Variants in CACNA1C observed in about 807,000 individuals in gnomAD.
The protein encoded by CACNA1C is calcium voltage-gated channel subunit alpha1 C, also known as voltage-dependent L-type calcium channel subunit alpha-1C.
CACNA1C carries 30 observed loss-of-function variants against 229.0 expected under a neutral mutation model. That is an observed-to-expected ratio of 0.13 (90% CI 0.10 to 0.18). The LOEUF (loss-of-function observed/expected upper bound fraction) is 0.18, where lower values mean the gene tolerates loss of function less well. Ranked by LOEUF, CACNA1C falls within the 10% of genes least tolerant of loss-of-function variation. CACNA1C has a pLI of 1.00. For synonymous variants in CACNA1C, 1,114 were observed against 1,132.5 expected, an observed-to-expected ratio of 0.98 and a Z score of 0.33; for missense variants, 1,658 against 2,845.0, an observed-to-expected ratio of 0.58 and a Z score of 9.49.
chr12:2,343,547 T>C (rs2096923328), intron 3 of CACNA1C, among the ~76,000 whole-genome samples: 1 of 152,144 alleles, frequency 6.6e-6, no homozygotes, highest in Non-Finnish European at 1.5e-5. Flanking sequence ...AAAAAATTAT[T>C]TGTTGTTTAT....
chr12:2,558,667 G>A (rs1362552743), intron 11 of CACNA1C, among the ~76,000 whole-genome samples: 2 of 152,148 alleles, frequency 1.3e-5, no homozygotes, highest in Non-Finnish European at 2.9e-5. Flanking sequence ...AGTGTTGCTG[G>A]GCTTCCCCGT....
At position 2,688,521 on chromosome 12, in the gene CACNA1C, C is replaced by G; in HGVS notation, c.5859C>G (p.Ala1953=). The part of the protein sequence containing the change: ...HSPASFPRPF[A]TPPATPGSRG... ...CTGCCTCATTCCCTAGGCCTTTTGC[C>G]ACCCCACCAGCCACACCTGGCAGCC... is the stretch of plus-strand genomic sequence containing the variant. The change falls in exon 46 of 47, where the codon GCC becomes GCG. Residue 1953 remains alanine, a synonymous_variant. Transcript: ENST00000399655. The G allele has an allele frequency of 1.2e-6, 2 of 1,613,918 alleles. No homozygotes were observed. Among genetic ancestry groups the G allele is most frequent in the Non-Finnish European group, 1.7e-6 (2 of 1,179,878 alleles).
At chr12:2,623,948 G>A (rs1051207022) in intron 29 of CACNA1C, among the ~76,000 whole-genome samples, 48 of 152,162 alleles carry the variant, frequency 3.2e-4, no homozygotes, top group African/African-American at 1.1e-3. Flanking sequence ...CATCCGTGCC[G>A]TGCTCAGCAG....
chr12:2,337,812 C>G (rs911213086), intron 3 of CACNA1C, among the ~76,000 whole-genome samples: 3 of 152,224 alleles, frequency 2.0e-5, no homozygotes, highest in African/African-American at 7.2e-5. Context: ...AGGCCAGAAG[C>G]TGGCCCTCCT....
At chr12:2,024,051 G>A (rs1445357767) in intron 1 of CACNA1C, among the ~76,000 whole-genome samples, 1 of 152,168 alleles carries the variant, frequency 6.6e-6, no homozygotes, top group South Asian at 2.1e-4. Context: ...CATTGTAGGA[G>A]GCTCCCTCTT....
chr12:2,148,214 A>G (rs916974227), intron 3 of CACNA1C, among the ~76,000 whole-genome samples: 9 of 151,404 alleles, frequency 5.9e-5, no homozygotes, highest in African/African-American at 2.2e-4. Flanking sequence ...TAAATCTCTT[A>G]TGAACTAAAC....
intron 8 of CACNA1C, among the ~76,000 whole-genome samples, chr12:2,509,189 A>G (rs1040326356): frequency 2.6e-5 from 4 of 152,214 alleles, no homozygotes; most frequent in South Asian, 2.1e-4. Context: ...ACAGCCAGGA[A>G]GTATCGCTGG....
intron 3 of CACNA1C, among the ~76,000 whole-genome samples, chr12:2,297,202 T>C (rs1230291300): frequency 6.6e-6 from 1 of 152,096 alleles, no homozygotes; most frequent in African/African-American, 2.4e-5. Context: ...TGTCATCAAC[T>C]CTCTAGGGAC....
Position 2,357,682 on chromosome 12 carries a change from A to C in CACNA1C, c.478-91294A>C, listed in dbSNP as rs79768175. ...TTTTCCTTAAAAAAAAAAAAAAAAA[A>C]GGAATCGGCCAGGCACAGTGGTTCA... On this transcript the variant is annotated intron_variant, in intron 3 of 46. Coordinates refer to ENST00000399655, the MANE Select transcript of CACNA1C (RefSeq NM_000719.7). 5.7e-3 allele frequency among the ~76,000 whole-genome samples: 852 copies of C among 149,990 alleles called. 8 individuals carry two copies. The highest frequency in any genetic ancestry group is 0.02 in the African/African-American group (810 of 40,860).
At chr12:2,105,363 G>C (rs1484931898) in intron 1 of CACNA1C, among the ~76,000 whole-genome samples, 3 of 152,158 alleles carry the variant, frequency 2.0e-5, no homozygotes, top group Non-Finnish European at 2.9e-5. Context: ...GCGCCCTCAC[G>C]GTCTCCTTGT....
At chr12:2,592,406 A>G (rs1351229795) in intron 18 of CACNA1C, among the ~76,000 whole-genome samples, 1 of 152,258 alleles carries the variant, frequency 6.6e-6, no homozygotes, top group Non-Finnish European at 1.5e-5. Flanking sequence ...AGAAAGAAAC[A>G]GAGCCAGGAT....
intron 9 of CACNA1C, among the ~76,000 whole-genome samples, chr12:2,528,587 T>C (rs757269406): frequency 6.6e-6 from 1 of 152,232 alleles, no homozygotes; most frequent in African/African-American, 2.4e-5. Context: ...AGGCTTGCCC[T>C]ACCCATCATG....
intron 3 of CACNA1C, among the ~76,000 whole-genome samples, chr12:2,194,952 C>G (rs187843626): frequency 2.8e-4 from 43 of 152,342 alleles, no homozygotes; most frequent in Admixed American, 7.8e-4. Context: ...AGAGCAAACA[C>G]TGACTAGGAT....
Position 2,633,565 on chromosome 12 carries a change from G to A in CACNA1C, c.3829-732G>A, listed in dbSNP as rs533971408. Reference sequence around the variant, plus strand: ...GGACGATGATTCTGATGGTGGTGTTGCTCTGTTCTTGTCTGTCTAATATTC... The same window carrying A: ...GGACGATGATTCTGATGGTGGTGTTACTCTGTTCTTGTCTGTCTAATATTC... On this transcript the variant is annotated intron_variant, in intron 29 of 46. Coordinates refer to ENST00000399655, the MANE Select transcript of CACNA1C (RefSeq NM_000719.7). The surrounding 1 kb of genome is among the most constrained non-coding windows in gnomAD (Gnocchi z 5.8). 8.6e-6 allele frequency: 8 copies of A among 932,112 alleles called. No individual in the cohort carries two copies. The African/African-American group carries it at 1.1e-4, about 13-fold the overall frequency. 57.7% of individuals were successfully genotyped at this position (932,112 alleles called of 1,614,324 possible). A position where few individuals can be genotyped will look rare whatever the true frequency, so the allele number is the denominator to read the frequency against.
At chr12:2,452,377 C>T (rs1424975203) in intron 4 of CACNA1C, among the ~76,000 whole-genome samples, 2 of 152,150 alleles carry the variant, frequency 1.3e-5, no homozygotes, top group Admixed American at 1.3e-4. Context: ...CAGGAGGTTC[C>T]ACGCCAGCCA....
chr12:1,980,108 C>T (rs191292703), intron 1 of CACNA1C, among the ~76,000 whole-genome samples: 1 of 152,260 alleles, frequency 6.6e-6, no homozygotes, highest in East Asian at 1.9e-4. Context: ...CAATTTCACT[C>T]CTAGGTATAA....
intron 3 of CACNA1C, among the ~76,000 whole-genome samples, chr12:2,293,479 G>A (rs1201572128): frequency 6.6e-6 from 1 of 152,200 alleles, no homozygotes. Flanking sequence ...CATCCCATGG[G>A]CCACTGGCCA....
At chr12:2,192,251 T>C (rs933021340) in intron 3 of CACNA1C, among the ~76,000 whole-genome samples, 2 of 152,226 alleles carry the variant, frequency 1.3e-5, no homozygotes, top group African/African-American at 4.8e-5. Context: ...TTTTGCCAGG[T>C]TGGCTGCTGT....
At chr12:2,300,498 C>T (rs2094469589) in intron 3 of CACNA1C, among the ~76,000 whole-genome samples, 1 of 151,922 alleles carries the variant, frequency 6.6e-6, no homozygotes. Flanking sequence ...TGGTGGCATG[C>T]ACCTGTTGTT....
Sources: gnomAD v4.1 joint callset for allele counts (sites outside exome capture counted in the v4.1 genomes callset) on GRCh38, gnomAD v4.1.1 for gene constraint, Gnocchi (gnomAD v3.1) non-coding constraint, MANE v1.5 for transcripts, NCBI Gene and HGNC (gene_info 2026-07-23, HGNC 2026-07-21) for gene names.